FN3KRP: variants seen among roughly 807,000 people sequenced by gnomAD.
FN3KRP encodes the protein fructosamine 3 kinase related protein, also known as ketosamine-3-kinase.
Under a neutral mutation model 29.8 loss-of-function variants are expected in FN3KRP, and 33 were observed. The ratio of observed to expected loss-of-function variants is 1.11; its 90% CI spans 0.84 to 1.48. The LOEUF (loss-of-function observed/expected upper bound fraction) is 1.48, where lower values mean the gene tolerates loss of function less well. Among genes scored for constraint, FN3KRP ranks in the 40% most tolerant of loss-of-function variants. FN3KRP has a pLI of 0.00. For missense variants in FN3KRP, 430 were observed against 402.6 expected (o/e 1.07, Z -0.58); for synonymous variants, 157 against 155.2 (o/e 1.01, Z -0.09).
intron 1 of FN3KRP, chr17:82,718,358 G>T (rs1159754781): frequency 2.1e-6 from 2 of 965,886 alleles, no homozygotes; most frequent in African/African-American, 1.8e-5. Flanking sequence ...CTGTGGTCCC[G>T]GGGAGTTGGA....
rs1053830115 is a variant in FN3KRP, at chr17:82,726,366, C to T, written c.469-114C>T. 5 of 1,350,602 alleles carry T rather than the reference C, an allele frequency of 3.7e-6. 1 individual carries two copies. The highest frequency in any genetic ancestry group is 1.5e-5 in the African/African-American group (1 of 68,528). The allele number at this position is 1,350,602 out of a possible 1,614,324, so 83.7% of individuals were successfully genotyped here. The stretch of plus-strand genomic sequence containing the variant: ...CCCTCAGGCTCCTGTGACTGCCACC[C>T]CTCCCACGTGCCGCTCCTGCAGCCC... On this transcript the variant is annotated intron_variant, in intron 4 of 5. Coordinates refer to ENST00000269373, the MANE Select transcript of FN3KRP (RefSeq NM_024619.4).
intron 1 of FN3KRP, among the ~76,000 whole-genome samples, chr17:82,718,269 A>G (rs1183602200): frequency 6.6e-6 from 1 of 152,098 alleles, no homozygotes; most frequent in African/African-American, 2.4e-5. Context: ...GCAGGAGGAA[A>G]GGAAAGGCCG....
intron 3 of FN3KRP, among the ~76,000 whole-genome samples, 168 bp downstream of exon 3, chr17:82,720,531 T>C (rs1192362614): frequency 6.6e-6 from 1 of 152,176 alleles, no homozygotes; most frequent in Non-Finnish European, 1.5e-5. Flanking sequence ...CTGAACACAG[T>C]GACTGTGATG....
Position 82,727,017 on chromosome 17 carries a change from T to C in FN3KRP, c.776T>C (p.Phe259Ser). ...ATGTTTGGGGGCTTTAGCAGCTCCT[T>C]TTACTCCGCCTACCACGGCAAAATC... ...AGMFGGFSSS[F>S]YSAYHGKIPK... Residue 259 changes from phenylalanine (F) to serine (S), a missense_variant, in exon 6 of 6, where the codon TTT (phenylalanine) becomes TCT (serine). Physicochemically the swap from Phe to Ser is radical, Grantham distance 155. Transcript: ENST00000269373. 1 of 1,614,118 alleles carries C rather than the reference T, an allele frequency of 6.2e-7. No homozygotes were observed. The highest frequency in any genetic ancestry group is 8.5e-7 in the Non-Finnish European group (1 of 1,180,026).
chr17:82,717,885 G>A (rs1338277640), intron 1 of FN3KRP, among the ~76,000 whole-genome samples: 3 of 151,908 alleles, frequency 2.0e-5, no homozygotes. Flanking sequence ...GTGTGTGTAC[G>A]TTGTATGTGT....
At chr17:82,721,712 C>T (rs564507108) in intron 3 of FN3KRP, among the ~76,000 whole-genome samples, 4 of 152,002 alleles carry the variant, frequency 2.6e-5, no homozygotes, top group Admixed American at 6.6e-5. Flanking sequence ...CCGTGTTAGC[C>T]GGGATGGTCT....
intron 3 of FN3KRP, among the ~76,000 whole-genome samples, chr17:82,721,311 C>G (rs971027846): frequency 1.3e-5 from 2 of 151,998 alleles, no homozygotes; most frequent in Admixed American, 1.3e-4. Context: ...TGGTCTCAAT[C>G]TCCTGACCTC....
chr17:82,721,753 C>T (rs562737418), intron 3 of FN3KRP, among the ~76,000 whole-genome samples: 20 of 152,104 alleles, frequency 1.3e-4, no homozygotes, highest in African/African-American at 2.6e-4. Context: ...CCACCTGCCT[C>T]GGCCTCCCAA....
intron 1 of FN3KRP, chr17:82,718,508 G>T: frequency 1.0e-6 from 1 of 995,580 alleles, no homozygotes; most frequent in Non-Finnish European, 1.2e-6. Flanking sequence ...GAGAGGTCGG[G>T]TGAGTCTGTG....
chr17:82,723,872 T>G (rs1374764258), intron 4 of FN3KRP, among the ~76,000 whole-genome samples: 1 of 152,000 alleles, frequency 6.6e-6, no homozygotes, highest in Non-Finnish European at 1.5e-5. Flanking sequence ...AGGGGCTGTC[T>G]GGACAGATGT....
intron 5 of FN3KRP, 46 bp downstream of exon 5, chr17:82,726,648 C>G: frequency 1.9e-6 from 3 of 1,581,460 alleles, no homozygotes; most frequent in Non-Finnish European, 2.6e-6. Context: ...ACACACCCCA[C>G]TTGCCTGAGG....
At chr17:82,725,279 C>T (rs1263817578) in intron 4 of FN3KRP, among the ~76,000 whole-genome samples, 3 of 151,978 alleles carry the variant, frequency 2.0e-5, no homozygotes, top group Non-Finnish European at 4.4e-5. Flanking sequence ...CAGGCATACA[C>T]CACCACACTT....
At position 82,727,185 on chromosome 17, in the gene FN3KRP, T is replaced by C; in HGVS notation, c.*14T>C. 6.2e-7 allele frequency: 1 copy of C among 1,606,270 alleles called. No homozygotes were observed. The highest frequency in any genetic ancestry group is 8.5e-7 in the Non-Finnish European group (1 of 1,174,832). Reference sequence around the variant, plus strand: ...CTGGTCAAGTGAGCGGGCCTTACTCTGGAAGGAGGCCTCAGAGGTTTCTCC... The same window carrying C: ...CTGGTCAAGTGAGCGGGCCTTACTCCGGAAGGAGGCCTCAGAGGTTTCTCC... On this transcript the variant is annotated 3_prime_UTR_variant, in exon 6 of 6. Transcript: ENST00000269373.
At chr17:82,718,013 AAAAG>A (rs575120183) in intron 1 of FN3KRP, among the ~76,000 whole-genome samples, 188 of 150,286 alleles carry the variant, frequency 1.3e-3, no homozygotes, top group Admixed American at 4.6e-3. Flanking sequence ...TCTCAGGAGA[AAAAG>A]AAAGGCCGCT....
At chr17:82,717,664 A>C (rs755320438) in intron 1 of FN3KRP, among the ~76,000 whole-genome samples, 3 of 152,174 alleles carry the variant, frequency 2.0e-5, no homozygotes, top group Non-Finnish European at 4.4e-5. Context: ...GGTTGCAGTG[A>C]GTCGAGATCG....
chr17:82,726,928 G>A lies in FN3KRP; in HGVS notation c.687G>A (p.Gly229=). ...WGGNVAEDSS[G]PVIFDPASFY... is the part of the protein sequence containing the mutation. ...GAAACGTAGCAGAGGATTCCTCTGG[G>A]CCGGTGATTTTTGACCCAGCTTCTT... The change falls in exon 6 of 6, where the codon GGG becomes GGA. Residue 229 remains glycine (G), a synonymous_variant. Coordinates refer to ENST00000269373, the MANE Select transcript of FN3KRP (RefSeq NM_024619.4). 6.2e-7 allele frequency: 1 copy of A among 1,612,830 alleles called. No individual in the cohort carries two copies.
At chr17:82,722,689 A>AG (rs1248769143) in intron 3 of FN3KRP, 115 bp from the exon 4 acceptor site, 1 of 906,020 alleles carries the variant, frequency 1.1e-6, no homozygotes, top group Non-Finnish European at 1.7e-6. Context: ...TGTCTCTGGC[A>AG]GGGGCATAAG....
chr17:82,725,081 G>T (rs2046827790), intron 4 of FN3KRP, among the ~76,000 whole-genome samples: 1 of 151,846 alleles, frequency 6.6e-6, no homozygotes, highest in Non-Finnish European at 1.5e-5. Context: ...AAGGTGCTGG[G>T]ATTACAGGCA....
At chr17:82,723,356 G>C (rs1233702703) in intron 4 of FN3KRP, among the ~76,000 whole-genome samples, 1 of 152,140 alleles carries the variant, frequency 6.6e-6, no homozygotes, top group Non-Finnish European at 1.5e-5. Flanking sequence ...GGGCGCGGGG[G>C]CAGTAGAAAG....
Sources: gnomAD v4.1 joint callset for allele counts (sites outside exome capture counted in the v4.1 genomes callset) on GRCh38, gnomAD v4.1.1 for gene constraint, MANE v1.5 for transcripts, NCBI Gene and HGNC (gene_info 2026-07-23, HGNC 2026-07-21) for gene names.